DOCK8: variants seen among roughly 807,000 people sequenced by gnomAD.
DOCK8 encodes the protein dedicator of cytokinesis protein 8.
In DOCK8, 141 loss-of-function variants were observed where a neutral mutation model predicts 245.6. That is an observed-to-expected ratio of 0.57 (90% CI 0.50 to 0.66). DOCK8 has a LOEUF of 0.66. DOCK8 is among the 30% of genes least tolerant of loss of function. The pLI is 0.00. For missense variants in DOCK8, 2,965 were observed against 2,603.4 expected, an observed-to-expected ratio of 1.14 and a Z score of -3.02; for synonymous variants, 1,168 against 970.2, an observed-to-expected ratio of 1.20 and a Z score of -3.79.
intron 28 of DOCK8, 76 bp from the exon 29 acceptor site, chr9:414,706 C>A: frequency 6.3e-7 from 1 of 1,583,158 alleles, no homozygotes; most frequent in South Asian, 1.1e-5. Context: ...GCGTTTTCAT[C>A]ACTCTTGACT....
At chr9:327,485 C>T (rs1228588562) in intron 8 of DOCK8, among the ~76,000 whole-genome samples, 1 of 151,714 alleles carries the variant, frequency 6.6e-6, no homozygotes, top group Non-Finnish European at 1.5e-5. Context: ...CCTCTGCCTC[C>T]CGGGTTCAAG....
At chr9:436,982 G>A (rs1396418489) in intron 39 of DOCK8, among the ~76,000 whole-genome samples, 4 of 152,194 alleles carry the variant, frequency 2.6e-5, no homozygotes, top group African/African-American at 9.7e-5. Flanking sequence ...ACTGAAGTGT[G>A]AGGGCTTCTT....
At chr9:348,624 G>A (rs2052014742) in intron 14 of DOCK8, among the ~76,000 whole-genome samples, 1 of 152,202 alleles carries the variant, frequency 6.6e-6, no homozygotes, top group Non-Finnish European at 1.5e-5. Flanking sequence ...AGTTAGGCTT[G>A]CATTTGACTC....
chr9:312,025 C>T lies in DOCK8; in HGVS notation c.600C>T (p.Asp200=), dbSNP rs569112788. 6 of 1,614,210 alleles carry T rather than the reference C, an allele frequency of 3.7e-6. No homozygotes were observed. The highest frequency in any genetic ancestry group is 1.3e-5 in the African/African-American group (1 of 75,064). The part of the protein sequence containing the change: ...GKGPVTACDF[D]LRSLQPDKRL... ...GCCCCGTCACTGCCTGTGACTTTGACCTCCGCAGCCTGCAGCCTGACAAGC... is the reference window on the plus strand; with the variant it reads ...GCCCCGTCACTGCCTGTGACTTTGATCTCCGCAGCCTGCAGCCTGACAAGC... The change falls in exon 6 of 48, where the codon GAC becomes GAT. Residue 200 remains aspartate, a synonymous_variant. Transcript: ENST00000432829.
intron 20 of DOCK8, among the ~76,000 whole-genome samples, chr9:378,257 C>T (rs12350338): frequency 0.12 from 17,699 of 152,084 alleles, 2,233 homozygotes; most frequent in African/African-American, 0.32. Context: ...AAGAGATGGC[C>T]TTGAAGAAGG....
At chr9:269,445 G>A (rs1377651543) in intron 1 of DOCK8, among the ~76,000 whole-genome samples, 1 of 151,512 alleles carries the variant, frequency 6.6e-6, no homozygotes, top group African/African-American at 2.4e-5. Context: ...TTTTTGTTAA[G>A]TCATTCATCA....
chr9:364,051 A>C (rs1432945392), intron 14 of DOCK8, among the ~76,000 whole-genome samples: 1 of 152,224 alleles, frequency 6.6e-6, no homozygotes, highest in Non-Finnish European at 1.5e-5. Flanking sequence ...AAAGATGATG[A>C]AGCTGAGCAT....
intron 4 of DOCK8, among the ~76,000 whole-genome samples, chr9:292,324 T>C (rs995008199): frequency 2.3e-5 from 3 of 131,270 alleles, no homozygotes; most frequent in African/African-American, 8.8e-5. Context: ...GAGGCAGAGG[T>C]TGTGGTGAGC....
In DOCK8 at chr9:359,846, A is replaced by G. The variant is rs115467804; in HGVS notation, c.1680-8172A>G. 9.8e-3 allele frequency among the ~76,000 whole-genome samples: 1,490 copies of G among 152,094 alleles called. 34 individuals carry two copies. The highest frequency in any genetic ancestry group is 0.035 in the African/African-American group (1,437 of 41,452). ...AAAATTACAGAGGGAGAATTTTAAAACACAAATGAAGAAAAAGAAATTACT... is the reference window on the plus strand; with the variant it reads ...AAAATTACAGAGGGAGAATTTTAAAGCACAAATGAAGAAAAAGAAATTACT... On this transcript the variant is annotated intron_variant, in intron 14 of 47. Transcript: ENST00000432829.
chr9:357,321 C>G (rs910459157), intron 14 of DOCK8, among the ~76,000 whole-genome samples: 1 of 152,134 alleles, frequency 6.6e-6, no homozygotes, highest in East Asian at 1.9e-4. Context: ...AAGAGTTGTG[C>G]TGTATAAAAT....
At position 312,081 on chromosome 9, in the gene DOCK8, C is replaced by T. The variant is rs144019007; in HGVS notation, c.656C>T (p.Ala219Val). The T allele has an allele frequency of 7.1e-5, 114 of 1,614,194 alleles. 1 individual carries two copies. In the African/African-American group the frequency reaches 1.4e-3, roughly 19 times the overall value. ...GAAAACCTCCTGCAGCAAGTGAGTG[C>T]CGAGGACTTTGAGAAGCAGAACGAG... ...RLENLLQQVS[A>V]EDFEKQNEEA... The change falls in exon 6 of 48, where the codon GCC (alanine) becomes GTC (valine). Residue 219 changes from alanine (A) to valine (V), a missense_variant. Ala to Val is a moderately conservative substitution (Grantham distance 64). Coordinates refer to ENST00000432829, the MANE Select transcript of DOCK8 (RefSeq NM_203447.4).
intron 1 of DOCK8, among the ~76,000 whole-genome samples, chr9:219,986 T>G (rs1257750859): frequency 6.6e-6 from 1 of 152,220 alleles, no homozygotes; most frequent in Non-Finnish European, 1.5e-5. Flanking sequence ...TTTGCTAATT[T>G]TATCTGCAAA....
chr9:396,678 G>C (rs1448839638), intron 24 of DOCK8, 107 bp from the exon 25 acceptor site: 14 of 1,499,052 alleles, frequency 9.3e-6, no homozygotes, highest in South Asian at 1.1e-5. Context: ...TAAAGTGTCA[G>C]AAAATCCATT....
intron 6 of DOCK8, chr9:312,381 C>G (rs927657085): frequency 1.5e-5 from 10 of 686,014 alleles, no homozygotes; most frequent in African/African-American, 8.8e-5. Flanking sequence ...ATAATAACAA[C>G]TGGAATTTTC....
chr9:231,127 C>T (rs62531263), intron 1 of DOCK8, among the ~76,000 whole-genome samples: 9,958 of 152,102 alleles, frequency 0.065, 317 homozygotes, highest in African/African-American at 0.08. Flanking sequence ...TATGGCTAGC[C>T]AGTTTTCCCA....
intron 18 of DOCK8, among the ~76,000 whole-genome samples, chr9:374,750 G>A (rs1318123677): frequency 6.6e-6 from 1 of 151,572 alleles, no homozygotes; most frequent in Admixed American, 6.6e-5. Flanking sequence ...ATAGGTGTGA[G>A]CCACCATGCC....
At position 414,891 on chromosome 9, in the gene DOCK8, C is replaced by G. The variant is rs1373790109; in HGVS notation, c.3640C>G (p.Leu1214Val). Residue 1214 changes from leucine to valine, a missense_variant, in exon 29 of 48, where the codon CTT becomes GTT. By Grantham distance (32) the Leu-to-Val change is conservative. Coordinates refer to ENST00000432829, the MANE Select transcript of DOCK8 (RefSeq NM_203447.4). Reference sequence around the variant, plus strand: ...AGAGGTGAAGGTCAAAATCGCCGCCCTTTACCTACCTTTAGTTGGCATCAT... The same window carrying G: ...AGAGGTGAAGGTCAAAATCGCCGCCGTTTACCTACCTTTAGTTGGCATCAT... ...KPEVKVKIAA[L>V]YLPLVGIILD... 1 of 1,614,226 alleles carries G rather than the reference C, an allele frequency of 6.2e-7. No homozygotes were observed. The highest frequency in any genetic ancestry group is 8.5e-7 in the Non-Finnish European group (1 of 1,180,036).
intron 4 of DOCK8, among the ~76,000 whole-genome samples, chr9:297,946 T>C (rs532245994): frequency 3.3e-5 from 5 of 152,182 alleles, no homozygotes; most frequent in East Asian, 1.9e-4. Context: ...TTTAACATTA[T>C]TGTGTAACTC....
chr9:384,138 GTT>G (rs2053845958), intron 22 of DOCK8, among the ~76,000 whole-genome samples: 1 of 152,148 alleles, frequency 6.6e-6, no homozygotes, highest in Non-Finnish European at 1.5e-5. Context: ...GACCTTGACA[GTT>G]TTGAGGAGTA....
Sources: allele counts gnomAD v4.1 joint callset (sites outside exome capture counted in the v4.1 genomes callset), GRCh38; gene constraint gnomAD v4.1.1; transcripts MANE v1.5; gene names NCBI Gene and HGNC (gene_info 2026-07-23, HGNC 2026-07-21).